The following NCOA1 variants were observed in gnomAD, a reference collection of about 807,000 sequenced individuals.
NCOA1 encodes Hin-2 protein.
A neutral mutation model predicts 150.9 loss-of-function variants in NCOA1; 35 were observed. The ratio of observed to expected loss-of-function variants is 0.23; its 90% CI spans 0.18 to 0.31. The LOEUF is 0.31. Ranked by LOEUF, NCOA1 falls within the 10% of genes least tolerant of loss-of-function variation. The probability of loss-of-function intolerance (pLI) is 1.00; values close to 1 mark genes in which losing one functional copy is unlikely to be tolerated. For synonymous variants in NCOA1, 590 were observed against 630.0 expected (o/e 0.94, Z 0.95); for missense variants, 1,491 against 1,749.3 (o/e 0.85, Z 2.63).
chr2:24,691,366 G>T, intron 8 of NCOA1, 115 bp from the exon 9 acceptor site: 1 of 902,716 alleles, frequency 1.1e-6, no homozygotes, highest in Non-Finnish European at 1.7e-6. Context: ...AGGTCAGTCT[G>T]TCTTTTAATC....
intron 1 of NCOA1, among the ~76,000 whole-genome samples, chr2:24,516,284 C>G (rs1003749849): frequency 1.3e-5 from 2 of 150,676 alleles, no homozygotes; most frequent in African/African-American, 2.4e-5. Context: ...GCTCCGCCTC[C>G]CAGGTTCACA....
intron 4 of NCOA1, among the ~76,000 whole-genome samples, chr2:24,658,257 T>C (rs1671031275): frequency 6.6e-6 from 1 of 152,230 alleles, no homozygotes; most frequent in African/African-American, 2.4e-5. Context: ...TAAATTCTTT[T>C]GAAAAGCAGC....
chr2:24,526,950 G>A (rs1664678778), intron 1 of NCOA1, among the ~76,000 whole-genome samples: 1 of 152,114 alleles, frequency 6.6e-6, no homozygotes, highest in African/African-American at 2.4e-5. Flanking sequence ...GGTATAAGTA[G>A]TCTTGAGGTT....
intron 21 of NCOA1, among the ~76,000 whole-genome samples, chr2:24,762,256 A>G (rs1161171724): frequency 2.0e-5 from 3 of 152,264 alleles, no homozygotes; most frequent in African/African-American, 7.2e-5. Context: ...TATTTTGTCA[A>G]TTTTTTTAGC....
At position 24,642,037 on chromosome 2, in the gene NCOA1, T is replaced by TGTGTGTGTGTGTGTGTGTGCGC. The variant is rs942145000; in HGVS notation, c.-174-1928_-174-1927insTGTGTGTGTGTGTGTGTGCGCG. 4.3e-3 allele frequency among the ~76,000 whole-genome samples: 595 copies of TGTGTGTGTGTGTGTGTGTGCGC among 138,510 alleles called. 3 individuals carry two copies. Among genetic ancestry groups the TGTGTGTGTGTGTGTGTGTGCGC allele is most frequent in the Admixed American group, 5.6e-3 (76 of 13,508 alleles). 90.9% of individuals were successfully genotyped at this position (138,510 alleles called of 152,430 possible). On this transcript the variant is annotated intron_variant, in intron 3 of 22. Transcript: ENST00000348332. Reference sequence around the variant, plus strand: ...GTGTGTGTGTGTGTGTGTGTGTGTGTGCGCGCGTGCGTATGTGTGTGTGTA... The same window carrying TGTGTGTGTGTGTGTGTGTGCGC: ...GTGTGTGTGTGTGTGTGTGTGTGTGTGTGTGTGTGTGTGTGTGTGCGCGCGCGCGTGCGTATGTGTGTGTGTA...
intron 18 of NCOA1, among the ~76,000 whole-genome samples, chr2:24,741,351 A>G (rs1468192558): frequency 6.6e-6 from 1 of 152,204 alleles, no homozygotes; most frequent in Non-Finnish European, 1.5e-5. Flanking sequence ...TGGAATTGAA[A>G]AAGTCTTCTA....
intron 1 of NCOA1, among the ~76,000 whole-genome samples, chr2:24,557,876 C>T (rs141531811): frequency 2.6e-5 from 4 of 151,472 alleles, no homozygotes; most frequent in East Asian, 1.9e-4. Context: ...TCTAACTTTG[C>T]GATTTTTATC....
At chr2:24,566,515 A>G (rs897689100) in intron 2 of NCOA1, among the ~76,000 whole-genome samples, 1 of 152,142 alleles carries the variant, frequency 6.6e-6, no homozygotes, top group African/African-American at 2.4e-5. Flanking sequence ...CCAGGGGCTG[A>G]AGTGCATGCT....
intron 2 of NCOA1, among the ~76,000 whole-genome samples, chr2:24,578,175 GTTTAGTAA>G (rs1408550192): frequency 6.6e-6 from 1 of 152,114 alleles, no homozygotes; most frequent in African/African-American, 2.4e-5. Context: ...AGAAAATCTA[GTTTAGTAA>G]TTTAGTGTAC....
At chr2:24,663,787 C>G (rs182843940) in intron 5 of NCOA1, among the ~76,000 whole-genome samples, 1 of 152,136 alleles carries the variant, frequency 6.6e-6, no homozygotes, top group Non-Finnish European at 1.5e-5. Context: ...TTTATAGACA[C>G]CTTGCCAGTT....
intron 1 of NCOA1, among the ~76,000 whole-genome samples, chr2:24,494,690 A>G (rs375484936): frequency 6.6e-6 from 1 of 152,278 alleles, no homozygotes; most frequent in African/African-American, 2.4e-5. Flanking sequence ...CAAATATTGG[A>G]TGCTGTGGTC....
intron 22 of NCOA1, among the ~76,000 whole-genome samples, chr2:24,766,727 C>G (rs1485501790): frequency 7.0e-6 from 1 of 143,744 alleles, no homozygotes; most frequent in African/African-American, 2.7e-5. Context: ...GCAGGAGGAT[C>G]GTTGACCTAG....
At chr2:24,505,630 T>C (rs1174767622) in intron 1 of NCOA1, among the ~76,000 whole-genome samples, 1 of 152,194 alleles carries the variant, frequency 6.6e-6, no homozygotes, top group Admixed American at 6.5e-5. Flanking sequence ...ATTTAGGCTG[T>C]GTAGTAAACA....
chr2:24,678,001 T>G (rs1671996758), intron 7 of NCOA1, among the ~76,000 whole-genome samples: 1 of 152,006 alleles, frequency 6.6e-6, no homozygotes, highest in Non-Finnish European at 1.5e-5. Flanking sequence ...AAGCCCAGCA[T>G]CCATTAGCTA....
intron 1 of NCOA1, among the ~76,000 whole-genome samples, chr2:24,508,912 A>G (rs994388766): frequency 2.0e-5 from 3 of 152,204 alleles, no homozygotes; most frequent in Non-Finnish European, 4.4e-5. Flanking sequence ...AAAATCCTAA[A>G]GTGATCACCA....
intron 4 of NCOA1, among the ~76,000 whole-genome samples, chr2:24,656,070 A>T (rs1670932296): frequency 6.7e-6 from 1 of 149,020 alleles, no homozygotes; most frequent in African/African-American, 2.5e-5. Context: ...CCTGGGCGAC[A>T]GAGCGAGACT....
intron 19 of NCOA1, among the ~76,000 whole-genome samples, chr2:24,750,107 G>C (rs1664140861): frequency 1.3e-5 from 2 of 151,834 alleles, no homozygotes. Context: ...GAAAAAAATA[G>C]TGAACTTAAA....
chr2:24,564,721 G>T (rs1339599021), intron 2 of NCOA1: 1 of 152,046 alleles, frequency 6.6e-6, no homozygotes, highest in Non-Finnish European at 1.5e-5. Flanking sequence ...GTGTGTTCAG[G>T]GTGGTATGGC....
At chr2:24,568,329 C>T (rs1028182372) in intron 2 of NCOA1, among the ~76,000 whole-genome samples, 9 of 152,066 alleles carry the variant, frequency 5.9e-5, no homozygotes, top group Non-Finnish European at 1.0e-4. Context: ...GAAATGGTAC[C>T]TTTTTAAAAT....
Sources: allele counts gnomAD v4.1 joint callset (sites outside exome capture counted in the v4.1 genomes callset), GRCh38; gene constraint gnomAD v4.1.1; transcripts MANE v1.5; gene names NCBI Gene and HGNC (gene_info 2026-07-23, HGNC 2026-07-21).